The following LRMDA variants were observed in gnomAD, a reference collection of about 807,000 sequenced individuals.
The protein encoded by LRMDA is leucine rich melanocyte differentiation associated, also known as leucine-rich melanocyte differentiation-associated protein.
In LRMDA, 18 loss-of-function variants were observed where a neutral mutation model predicts 29.8. That is an observed-to-expected ratio of 0.60 (90% confidence interval 0.42 to 0.90). The LOEUF (loss-of-function observed/expected upper bound fraction) is 0.90, where lower values mean the gene tolerates loss of function less well. Among genes scored for constraint, LRMDA ranks in the 40% least tolerant of loss-of-function variants. LRMDA has a pLI of 0.00. For missense variants in LRMDA, 273 were observed against 273.9 expected (o/e 1.00, Z 0.02); for synonymous variants, 125 against 109.4 (o/e 1.14, Z -0.89).
chr10:75,762,422 C>CCAAGA (rs139717510), intron 2 of LRMDA, among the ~76,000 whole-genome samples: 11,508 of 152,118 alleles, frequency 0.076, 1,186 homozygotes, highest in African/African-American at 0.24. Flanking sequence ...TATGTATGGC[C>CCAAGA]CAATTCTTCC....
At chr10:75,913,926 C>G (rs1426438986) in intron 2 of LRMDA, among the ~76,000 whole-genome samples, 2 of 152,192 alleles carry the variant, frequency 1.3e-5, no homozygotes, top group Non-Finnish European at 2.9e-5. Flanking sequence ...AAAGGCTTGC[C>G]CCGCCGTGGG....
intron 6 of LRMDA, among the ~76,000 whole-genome samples, chr10:76,525,828 G>A (rs959003365): frequency 7.2e-5 from 11 of 152,158 alleles, no homozygotes; most frequent in African/African-American, 2.7e-4. Context: ...CTGTTAGTAT[G>A]TAGCAATTCC....
At chr10:75,963,472 A>G (rs1273389085) in intron 2 of LRMDA, among the ~76,000 whole-genome samples, 3 of 152,118 alleles carry the variant, frequency 2.0e-5, no homozygotes, top group Non-Finnish European at 2.9e-5. Context: ...CTCATTCTTC[A>G]TGATTGTGTT....
At chr10:75,600,793 G>T (rs1840874584) in intron 2 of LRMDA, among the ~76,000 whole-genome samples, 1 of 152,172 alleles carries the variant, frequency 6.6e-6, no homozygotes, top group Non-Finnish European at 1.5e-5. Flanking sequence ...AGTTCTGCCT[G>T]GACCTTTTGA....
At chr10:76,408,939 G>A (rs1242826347) in intron 6 of LRMDA, among the ~76,000 whole-genome samples, 1 of 152,108 alleles carries the variant, frequency 6.6e-6, no homozygotes, top group Non-Finnish European at 1.5e-5. Context: ...GTGGTACAAG[G>A]CATTTAGCAC....
At chr10:76,208,142 A>G (rs1019927807) in intron 5 of LRMDA, among the ~76,000 whole-genome samples, 2 of 152,216 alleles carry the variant, frequency 1.3e-5, no homozygotes, top group African/African-American at 2.4e-5. Flanking sequence ...ATATAAACCA[A>G]CGAACTATGG....
At chr10:76,485,860 G>A (rs1474408719) in intron 6 of LRMDA, among the ~76,000 whole-genome samples, 2 of 151,632 alleles carry the variant, frequency 1.3e-5, no homozygotes, top group Non-Finnish European at 2.9e-5. Flanking sequence ...TTTTACTACT[G>A]TGTCTATTAG....
intron 2 of LRMDA, among the ~76,000 whole-genome samples, chr10:75,446,186 G>A (rs1231500951): frequency 1.3e-5 from 2 of 152,242 alleles, no homozygotes; most frequent in African/African-American, 4.8e-5. Flanking sequence ...GATGGGCAGT[G>A]TAATGAAAAG....
chr10:76,105,967 A>G (rs7899432), intron 5 of LRMDA, among the ~76,000 whole-genome samples: 88,510 of 151,788 alleles, frequency 0.58, 26,542 homozygotes, highest in Non-Finnish European at 0.65. Flanking sequence ...GGCTGGTCTC[A>G]AACTCCTGAC....
chr10:76,008,777 C>T (rs1254077093), intron 2 of LRMDA, among the ~76,000 whole-genome samples: 1 of 152,260 alleles, frequency 6.6e-6, no homozygotes, highest in Non-Finnish European at 1.5e-5. Context: ...TCTTTAAGCA[C>T]TGCCCATGTG....
intron 2 of LRMDA, among the ~76,000 whole-genome samples, chr10:75,866,347 C>T (rs914718279): frequency 1.3e-5 from 2 of 152,224 alleles, no homozygotes; most frequent in African/African-American, 2.4e-5. Context: ...TTGTGGCCTA[C>T]AACTCTGGAA....
At chr10:75,765,660 T>TATG (rs1271068319) in intron 2 of LRMDA, among the ~76,000 whole-genome samples, 2 of 152,104 alleles carry the variant, frequency 1.3e-5, no homozygotes, top group African/African-American at 2.4e-5. Context: ...GTGGTGGCTA[T>TATG]ATGAGCAAAC....
chr10:75,937,375 G>T (rs1846313760), intron 2 of LRMDA, among the ~76,000 whole-genome samples: 1 of 152,208 alleles, frequency 6.6e-6, no homozygotes, highest in Non-Finnish European at 1.5e-5. Context: ...AGCTGCTGTT[G>T]TATCACAATT....
chr10:75,980,777 T>G (rs1235588631), intron 2 of LRMDA, among the ~76,000 whole-genome samples: 1 of 152,242 alleles, frequency 6.6e-6, no homozygotes, highest in East Asian at 1.9e-4. Flanking sequence ...TCCATTGAAT[T>G]TCACTTTCCT....
At chr10:75,722,425 TAGAA>T (rs974908337) in intron 2 of LRMDA, among the ~76,000 whole-genome samples, 4 of 152,198 alleles carry the variant, frequency 2.6e-5, no homozygotes, top group Non-Finnish European at 4.4e-5. Context: ...GTTTTAATAA[TAGAA>T]AGATTCAGAG....
chr10:75,473,946 G>C (rs1844758047), intron 2 of LRMDA, among the ~76,000 whole-genome samples: 1 of 152,190 alleles, frequency 6.6e-6, no homozygotes, highest in African/African-American at 2.4e-5. Flanking sequence ...TGAGTATCAA[G>C]TTTGGTAGGT....
chr10:75,890,207 A>T (rs1589242657), intron 2 of LRMDA, among the ~76,000 whole-genome samples: 1 of 152,192 alleles, frequency 6.6e-6, no homozygotes, highest in Non-Finnish European at 1.5e-5. Context: ...TATTTCCATT[A>T]TGAGGGAAGA....
chr10:75,454,955 A>T (rs1844499192), intron 2 of LRMDA, among the ~76,000 whole-genome samples: 1 of 152,200 alleles, frequency 6.6e-6, no homozygotes, highest in African/African-American at 2.4e-5. Flanking sequence ...CAGTAGGGGT[A>T]AATTTAACCA....
At chr10:76,527,822 C>A (rs1249929182) in intron 6 of LRMDA, among the ~76,000 whole-genome samples, 6 of 152,094 alleles carry the variant, frequency 3.9e-5, no homozygotes, top group African/African-American at 1.4e-4. Context: ...TAGGCCATCT[C>A]AGGTACACTA....
Sources: gnomAD v4.1 joint callset for allele counts (sites outside exome capture counted in the v4.1 genomes callset) on GRCh38, gnomAD v4.1.1 for gene constraint, MANE v1.5 for transcripts, NCBI Gene and HGNC (gene_info 2026-07-23, HGNC 2026-07-21) for gene names.